The following CLYBL variants were observed in gnomAD, a reference collection of about 807,000 sequenced individuals.
CLYBL encodes citramalyl-CoA lyase.
A neutral mutation model predicts 38.9 loss-of-function variants in CLYBL; 31 were observed. That is an observed-to-expected ratio of 0.80 (90% CI 0.60 to 1.08). The LOEUF is 1.08. Ranked by LOEUF, CLYBL falls within the 50% of genes least tolerant of loss-of-function variation. CLYBL has a pLI of 0.00. For missense variants in CLYBL, 434 were observed against 411.6 expected, an observed-to-expected ratio of 1.05 and a Z score of -0.47; for synonymous variants, 171 against 158.6, an observed-to-expected ratio of 1.08 and a Z score of -0.59.
chr13:99,706,001 G>T (rs1173283484), intron 1 of CLYBL, among the ~76,000 whole-genome samples: 2 of 150,924 alleles, frequency 1.3e-5, no homozygotes, highest in Admixed American at 6.6e-5. Flanking sequence ...GCATGATCTC[G>T]GCTCACTGCA....
At chr13:99,659,496 A>G (rs747994980) in intron 1 of CLYBL, among the ~76,000 whole-genome samples, 3 of 152,158 alleles carry the variant, frequency 2.0e-5, no homozygotes, top group Non-Finnish European at 4.4e-5. Flanking sequence ...GTTTCACTAC[A>G]TATGCAAAAA....
chr13:99,897,326 A>G (rs2052593672), downstream of CLYBL, among the ~76,000 whole-genome samples: 1 of 152,146 alleles, frequency 6.6e-6, no homozygotes, highest in African/African-American at 2.4e-5. Flanking sequence ...TCCTGGCCCC[A>G]TTCCCCCTTT....
At chr13:99,822,785 GCCTTCTTTGTTCTTCC>G (rs1167787274) in intron 2 of CLYBL, among the ~76,000 whole-genome samples, 1 of 152,168 alleles carries the variant, frequency 6.6e-6, no homozygotes, top group Non-Finnish European at 1.5e-5. Flanking sequence ...ATGAAAATTA[GCCTTCTTTGTTCTTCC>G]CCAAGTCTTT....
chr13:99,789,132 T>A lies in CLYBL; in HGVS notation c.249+16122T>A, dbSNP rs1287326173. ...GCTAGCGGTCTATCAATTTTGTTAA[T>A]CTTTTCAAAAAACCAGCTCGTGGAT... On this transcript the variant is annotated intron_variant, in intron 2 of 8. Transcript: ENST00000339105. 3.9e-5 allele frequency among the ~76,000 whole-genome samples: 6 copies of A among 152,296 alleles called. No homozygotes were observed. The East Asian group carries it at 9.6e-4, about 24-fold the overall frequency.
At chr13:99,686,164 A>G (rs1323029469) in intron 1 of CLYBL, among the ~76,000 whole-genome samples, 1 of 152,050 alleles carries the variant, frequency 6.6e-6, no homozygotes, top group Admixed American at 6.6e-5. Context: ...TTTCAGGGAC[A>G]CTCTGAGCTA....
At chr13:99,694,869 A>G (rs1008017565) in intron 1 of CLYBL, among the ~76,000 whole-genome samples, 1 of 152,146 alleles carries the variant, frequency 6.6e-6, no homozygotes, top group Admixed American at 6.5e-5. Context: ...ATATCAGTTG[A>G]TTAAGTGTGG....
At chr13:99,835,434 C>T (rs1051242590) in intron 2 of CLYBL, among the ~76,000 whole-genome samples, 2 of 152,264 alleles carry the variant, frequency 1.3e-5, no homozygotes, top group East Asian at 3.9e-4. Context: ...GTTCCAGCAT[C>T]GGAGATGGAG....
At chr13:99,741,366 C>G (rs1463532891) in intron 1 of CLYBL, among the ~76,000 whole-genome samples, 1 of 152,144 alleles carries the variant, frequency 6.6e-6, no homozygotes, top group East Asian at 1.9e-4. Flanking sequence ...AGTGTGTCAC[C>G]TTACCAGGCC....
At chr13:99,858,566 C>A (rs1225299784) in intron 2 of CLYBL, among the ~76,000 whole-genome samples, 1 of 152,200 alleles carries the variant, frequency 6.6e-6, no homozygotes, top group Non-Finnish European at 1.5e-5. Flanking sequence ...TTTTCCCCTT[C>A]CCATTGGGAA....
intron 1 of CLYBL, among the ~76,000 whole-genome samples, chr13:99,765,026 C>CT (rs1258134928): frequency 2.0e-5 from 3 of 151,788 alleles, no homozygotes; most frequent in Admixed American, 2.0e-4. Flanking sequence ...GGTTTTATAC[C>CT]TTTAAATGTT....
At chr13:99,887,010 G>A (rs1244989116) in intron 7 of CLYBL, among the ~76,000 whole-genome samples, 4 of 152,168 alleles carry the variant, frequency 2.6e-5, no homozygotes, top group Non-Finnish European at 4.4e-5. Flanking sequence ...TGGCATCTTG[G>A]GGATGCCTTA....
At chr13:99,841,723 G>C (rs751080975) in intron 2 of CLYBL, among the ~76,000 whole-genome samples, 1 of 151,884 alleles carries the variant, frequency 6.6e-6, no homozygotes, top group African/African-American at 2.4e-5. Flanking sequence ...TAAGCTTTAC[G>C]TGACAACGTG....
chr13:99,837,598 C>T (rs1346794662), intron 2 of CLYBL, among the ~76,000 whole-genome samples: 1 of 152,230 alleles, frequency 6.6e-6, no homozygotes, highest in African/African-American at 2.4e-5. Context: ...GGAGCTACCT[C>T]GTGGAGATCT....
chr13:99,715,153 G>C (rs1047227630), intron 1 of CLYBL, among the ~76,000 whole-genome samples: 3 of 152,018 alleles, frequency 2.0e-5, no homozygotes, highest in Non-Finnish European at 2.9e-5. Flanking sequence ...CTCCAGCTTC[G>C]GGGGATTAGA....
chr13:99,793,771 C>T (rs891221766), intron 2 of CLYBL, among the ~76,000 whole-genome samples: 1 of 151,736 alleles, frequency 6.6e-6, no homozygotes, highest in African/African-American at 2.4e-5. Flanking sequence ...TCCTGCAATT[C>T]CTAGGAATCC....
chr13:99,691,422 A>G (rs2047900429), intron 1 of CLYBL, among the ~76,000 whole-genome samples: 1 of 152,142 alleles, frequency 6.6e-6, no homozygotes, highest in African/African-American at 2.4e-5. Flanking sequence ...GGGGATCAGA[A>G]TCACTCCCCA....
intron 1 of CLYBL, among the ~76,000 whole-genome samples, chr13:99,667,478 A>C (rs1177800785): frequency 6.8e-6 from 1 of 146,828 alleles, no homozygotes; most frequent in Non-Finnish European, 1.5e-5. Flanking sequence ...AATTGCTAGA[A>C]GAGTGGAGAG....
chr13:99,711,286 A>T (rs1352118032), intron 1 of CLYBL, among the ~76,000 whole-genome samples: 1 of 152,142 alleles, frequency 6.6e-6, no homozygotes, highest in East Asian at 1.9e-4. Context: ...TGGAGGTCCA[A>T]GATCAGGCAG....
chr13:99,828,024 C>G (rs980680299), intron 2 of CLYBL, among the ~76,000 whole-genome samples: 1 of 152,140 alleles, frequency 6.6e-6, no homozygotes. Flanking sequence ...AGTTGAAATG[C>G]CCCTCCTGAG....
Sources: gnomAD v4.1 joint callset for allele counts (sites outside exome capture counted in the v4.1 genomes callset) on GRCh38, gnomAD v4.1.1 for gene constraint, MANE v1.5 for transcripts, NCBI Gene and HGNC (gene_info 2026-07-23, HGNC 2026-07-21) for gene names.